The following PVT1 variants were observed in gnomAD, a reference collection of about 807,000 sequenced individuals.
PVT1 encodes the protein Pvt1 oncogene, also known as CXCR4/PVT1 fusion.
intron 3 of PVT1, among the ~76,000 whole-genome samples, chr8:127,964,709 T>C (rs1816684661): frequency 6.6e-6 from 1 of 152,220 alleles, no homozygotes; most frequent in South Asian, 2.1e-4. Context: ...ATCATTCCAA[T>C]CTCTGCTCTT....
intron 3 of PVT1, among the ~76,000 whole-genome samples, chr8:127,949,104 T>A (rs1816462948): frequency 6.6e-6 from 1 of 152,130 alleles, no homozygotes; most frequent in South Asian, 2.1e-4. Context: ...TTGTTCCCAT[T>A]TTACAGGTGA....
intron 3 of PVT1, among the ~76,000 whole-genome samples, chr8:127,974,405 A>G (rs1816800014): frequency 6.6e-6 from 1 of 152,014 alleles, no homozygotes; most frequent in African/African-American, 2.4e-5. Flanking sequence ...CATCATCATC[A>G]TCATCATCAT....
chr8:127,911,210 C>T (rs533711228), intron 3 of PVT1, among the ~76,000 whole-genome samples: 3 of 152,176 alleles, frequency 2.0e-5, no homozygotes, highest in Admixed American at 6.5e-5. Context: ...CAGCCTATGT[C>T]GGGCTCCTCT....
intron 3 of PVT1, among the ~76,000 whole-genome samples, chr8:127,920,426 G>A (rs1194676424): frequency 6.6e-6 from 1 of 152,078 alleles, no homozygotes; most frequent in Non-Finnish European, 1.5e-5. Flanking sequence ...TGTTACCTTG[G>A]GCAAGTTAAT....
At chr8:127,955,160 C>T (rs1816553954) in intron 3 of PVT1, among the ~76,000 whole-genome samples, 1 of 152,064 alleles carries the variant, frequency 6.6e-6, no homozygotes, top group Non-Finnish European at 1.5e-5. Flanking sequence ...GGGCTAGAGT[C>T]CCTGTAAGAA....
At chr8:127,816,872 C>T (rs1814667009) in intron 2 of PVT1, among the ~76,000 whole-genome samples, 2 of 152,192 alleles carry the variant, frequency 1.3e-5, no homozygotes, top group African/African-American at 4.8e-5. Context: ...CTTTGCCGCT[C>T]TGCATCATGT....
At chr8:127,978,043 T>G (rs1816840379) in intron 3 of PVT1, among the ~76,000 whole-genome samples, 1 of 152,226 alleles carries the variant, frequency 6.6e-6, no homozygotes, top group Non-Finnish European at 1.5e-5. Flanking sequence ...TGCTAATGTC[T>G]TGTTGCTCTT....
At chr8:128,063,569 CAT>C (rs1813859524) in intron 4 of PVT1, among the ~76,000 whole-genome samples, 1 of 151,730 alleles carries the variant, frequency 6.6e-6, no homozygotes, top group Non-Finnish European at 1.5e-5. Flanking sequence ...CACACACACA[CAT>C]ATGTACACAA....
chr8:127,951,770 C>T (rs1030359105), intron 3 of PVT1, among the ~76,000 whole-genome samples: 1 of 152,044 alleles, frequency 6.6e-6, no homozygotes, highest in Non-Finnish European at 1.5e-5. Context: ...CCAAAGCCTC[C>T]CTTCTTTCCA....
At chr8:127,902,581 C>T (rs954258081) in intron 3 of PVT1, among the ~76,000 whole-genome samples, 2 of 151,986 alleles carry the variant, frequency 1.3e-5, no homozygotes, top group African/African-American at 4.8e-5. Flanking sequence ...TCCTTGTCCC[C>T]CTCTTTTCCT....
chr8:127,979,763 T>C (rs1250706382), intron 3 of PVT1, among the ~76,000 whole-genome samples: 1 of 152,196 alleles, frequency 6.6e-6, no homozygotes, highest in Non-Finnish European at 1.5e-5. Context: ...AAGGTGATTG[T>C]ATTCGGCCAA....
intron 3 of PVT1, among the ~76,000 whole-genome samples, chr8:127,986,043 G>C (rs1816966493): frequency 6.6e-6 from 1 of 152,132 alleles, no homozygotes; most frequent in Admixed American, 6.5e-5. Flanking sequence ...GTTATACCCT[G>C]GGTCTCTCCA....
intron 4 of PVT1, among the ~76,000 whole-genome samples, chr8:128,038,342 T>C (rs1047750642): frequency 6.6e-6 from 1 of 152,202 alleles, no homozygotes; most frequent in African/African-American, 2.4e-5. Context: ...TTATTCAGCA[T>C]GTATTTAGTC....
intron 2 of PVT1, among the ~76,000 whole-genome samples, chr8:127,814,959 C>A (rs563335781): frequency 7.2e-5 from 11 of 151,876 alleles, no homozygotes; most frequent in Admixed American, 6.6e-4. Context: ...TTGGTGTAAA[C>A]TTTTTTTTAT....
intron 2 of PVT1, among the ~76,000 whole-genome samples, chr8:127,804,344 A>T (rs1422939632): frequency 6.6e-6 from 1 of 151,858 alleles, no homozygotes; most frequent in Non-Finnish European, 1.5e-5. Context: ...ATTTTTACTT[A>T]TTTATTTATT....
At chr8:127,889,450 T>G (rs1815572972) in intron 2 of PVT1, among the ~76,000 whole-genome samples, 1 of 89,322 alleles carries the variant, frequency 1.1e-5, no homozygotes, top group African/African-American at 3.8e-5. Context: ...TTCCTGTGAT[T>G]TTTTTTTTTT....
At chr8:127,807,246 C>A (rs571592275) in intron 2 of PVT1, among the ~76,000 whole-genome samples, 1 of 152,318 alleles carries the variant, frequency 6.6e-6, no homozygotes, top group Admixed American at 6.5e-5. Context: ...AACTCACTGT[C>A]ATCATCTGGG....
chr8:128,051,395 G>A lies in PVT1; in HGVS notation n.913-18765G>A, dbSNP rs187338812. Among the ~76,000 whole-genome samples, 520 of 152,180 alleles carry A rather than the reference G, an allele frequency of 3.4e-3. 1 individual carries two copies. Among genetic ancestry groups the A allele is most frequent in the African/African-American group, 0.011 (463 of 41,518 alleles). Reference sequence around the variant, plus strand: ...TTTTATCTTTAACTTTTAAGAATTTGGCTTTAATGTGCCTCAATGAAGACC... The same window carrying A: ...TTTTATCTTTAACTTTTAAGAATTTAGCTTTAATGTGCCTCAATGAAGACC... On this transcript the variant is annotated intron_variant and non_coding_transcript_variant, in intron 4 of 10. Coordinates refer to ENST00000651587, the Ensembl canonical transcript of PVT1.
intron 3 of PVT1, among the ~76,000 whole-genome samples, chr8:127,921,240 T>C (rs1210517545): frequency 2.0e-5 from 3 of 151,934 alleles, no homozygotes; most frequent in Non-Finnish European, 2.9e-5. Flanking sequence ...GATATAGCAA[T>C]TGGGGAGCAC....
Sources: allele counts gnomAD v4.1 joint callset (sites outside exome capture counted in the v4.1 genomes callset), GRCh38; gene constraint gnomAD v4.1.1; transcripts MANE v1.5; gene names NCBI Gene and HGNC (gene_info 2026-07-23, HGNC 2026-07-21).